The following ZPLD1 variants were observed in gnomAD, a reference collection of about 807,000 sequenced individuals.
ZPLD1 encodes zona pellucida-like domain-containing protein 1.
ZPLD1 carries 34 observed loss-of-function variants against 47.2 expected under a neutral mutation model. The observed-to-expected ratio is 0.72, with a 90% CI of 0.55 to 0.96. The LOEUF (loss-of-function observed/expected upper bound fraction) is 0.96, where lower values mean the gene tolerates loss of function less well. ZPLD1 is among the 40% of genes least tolerant of loss of function. The pLI is 0.00. For synonymous variants in ZPLD1, 176 were observed against 186.2 expected (o/e 0.95, Z 0.45); for missense variants, 512 against 505.8 (o/e 1.01, Z -0.12).
At chr3:102,451,011 A>G (rs942546689) in intron 3 of ZPLD1, among the ~76,000 whole-genome samples, 2 of 152,320 alleles carry the variant, frequency 1.3e-5, no homozygotes, top group East Asian at 3.9e-4. Flanking sequence ...CCAACAAAGG[A>G]AATATTGCGT....
At chr3:102,413,338 T>C (rs1388886739) in intron 7 of ZPLD1, among the ~76,000 whole-genome samples, 1 of 151,854 alleles carries the variant, frequency 6.6e-6, no homozygotes, top group East Asian at 1.9e-4. Flanking sequence ...TCCAAATCAA[T>C]TTGAAAAGTT....
chr3:102,437,328 C>G (rs570536978), intron 2 of ZPLD1, among the ~76,000 whole-genome samples: 2 of 152,254 alleles, frequency 1.3e-5, no homozygotes, highest in African/African-American at 4.8e-5. Flanking sequence ...TTCCCACATC[C>G]TCACCAAAGT....
At chr3:102,466,226 C>T (rs2107350500) in intron 8 of ZPLD1, among the ~76,000 whole-genome samples, 1 of 152,232 alleles carries the variant, frequency 6.6e-6, no homozygotes, top group South Asian at 2.1e-4. Flanking sequence ...CACAGTTCTG[C>T]TATATTCAAA....
intron 7 of ZPLD1, among the ~76,000 whole-genome samples, chr3:102,412,470 T>G (rs958755718): frequency 1.3e-5 from 2 of 151,706 alleles, no homozygotes; most frequent in South Asian, 4.1e-4. Flanking sequence ...GAAGTGAACA[T>G]GATATTAGGG....
intron 6 of ZPLD1, among the ~76,000 whole-genome samples, chr3:102,391,995 T>TAACCAACC (rs927897803): frequency 1.3e-5 from 2 of 152,092 alleles, no homozygotes; most frequent in South Asian, 4.1e-4. Context: ...CCTAATCAAC[T>TAACCAACC]AACCAACCAA....
At chr3:102,428,856 C>T (rs559890259) in intron 8 of ZPLD1, among the ~76,000 whole-genome samples, 84 of 151,662 alleles carry the variant, frequency 5.5e-4, no homozygotes, top group Non-Finnish European at 5.6e-4. Context: ...AAAGACTAAC[C>T]GGTTACTTAA....
At chr3:102,438,735 A>T in intron 3 of ZPLD1, 142 bp downstream of exon 3, 1 of 547,318 alleles carries the variant, frequency 1.8e-6, no homozygotes, top group Non-Finnish European at 3.2e-6. Flanking sequence ...ATGACAAGAC[A>T]TTTTTCTGGA....
intron 10 of ZPLD1, among the ~76,000 whole-genome samples, chr3:102,474,565 T>C (rs1707730314): frequency 6.6e-6 from 1 of 152,180 alleles, no homozygotes; most frequent in African/African-American, 2.4e-5. Context: ...TTGAGATGTG[T>C]GGTCCATTTT....
chr3:102,418,096 C>G (rs572943412), exon 8 of ZPLD1: 6 of 152,058 alleles, frequency 3.9e-5, no homozygotes, highest in Admixed American at 1.3e-4. Flanking sequence ...TCATTTGAAG[C>G]CTTGACTCTT....
intron 7 of ZPLD1, among the ~76,000 whole-genome samples, chr3:102,398,323 G>T (rs1190013599): frequency 3.3e-5 from 5 of 152,066 alleles, no homozygotes; most frequent in Non-Finnish European, 5.9e-5. Context: ...AATGTAGGCA[G>T]CAGAGGTCTA....
chr3:102,450,603 A>G (rs193105364), intron 3 of ZPLD1, among the ~76,000 whole-genome samples: 15 of 152,316 alleles, frequency 9.8e-5, no homozygotes, highest in African/African-American at 3.1e-4. Flanking sequence ...CTTTTGGCCT[A>G]TGTCAAAAAG....
chr3:102,433,667 A>AGT (rs1210095118), upstream of ZPLD1, among the ~76,000 whole-genome samples: 1 of 152,118 alleles, frequency 6.6e-6, no homozygotes, highest in Non-Finnish European at 1.5e-5. Context: ...AACTGGGACT[A>AGT]AGGCACCCGC....
chr3:102,408,717 A>G (rs890363109), intron 7 of ZPLD1, among the ~76,000 whole-genome samples: 1 of 151,872 alleles, frequency 6.6e-6, no homozygotes, highest in Non-Finnish European at 1.5e-5. Flanking sequence ...GCTATTAAAA[A>G]CACTGTTCAT....
Position 102,477,533 on chromosome 3 carries a change from T to G in ZPLD1, c.1163T>G (p.Leu388Arg). The G allele has an allele frequency of 6.2e-7, 1 of 1,613,802 alleles. No individual in the cohort carries two copies. The highest frequency in any genetic ancestry group is 8.5e-7 in the Non-Finnish European group (1 of 1,179,724). ...ATTCTGGGAGTTACGAGCTTTTCTC[T>G]TCTTCTGTGCTCACTGGCCCTTCTG... Reference protein sequence around the residue: ...MVILGVTSFSLLLCSLALLHR... With the variant: ...MVILGVTSFSRLLCSLALLHR... The change falls in exon 12 of 12, where the codon CTT becomes CGT. Residue 388 changes from leucine to arginine, a missense_variant. By Grantham distance (102) the Leu-to-Arg change is moderately radical. Coordinates refer to ENST00000466937, the MANE Select transcript of ZPLD1 (RefSeq NM_001329788.2).
intron 6 of ZPLD1, among the ~76,000 whole-genome samples, chr3:102,389,160 G>A (rs539453176): frequency 5.9e-5 from 9 of 152,312 alleles, no homozygotes; most frequent in Non-Finnish European, 1.2e-4. Flanking sequence ...AGGAAGGCTG[G>A]TCCTTAAAAA....
intron 7 of ZPLD1, among the ~76,000 whole-genome samples, chr3:102,397,199 C>A (rs1043875646): frequency 6.6e-6 from 1 of 151,952 alleles, no homozygotes; most frequent in Non-Finnish European, 1.5e-5. Flanking sequence ...TTGTGCATAC[C>A]CAGTGCCAGC....
Position 102,456,385 on chromosome 3 carries a change from A to G in ZPLD1, c.509+11A>G, listed in dbSNP as rs1326086973. On this transcript the variant is annotated intron_variant, in intron 5 of 11. Coordinates refer to ENST00000466937, the MANE Select transcript of ZPLD1 (RefSeq NM_001329788.2). ...TACCCAGCTTGCTTCGTAAGTTTGC[A>G]TTTTATTCCTGCTTTCTCATATTGC... The G allele has an allele frequency of 1.5e-5, 24 of 1,607,538 alleles. No homozygotes were observed. The highest frequency in any genetic ancestry group is 5.1e-5 in the Admixed American group (3 of 58,998).
At chr3:102,447,075 T>C (rs1231914442) in intron 3 of ZPLD1, among the ~76,000 whole-genome samples, 1 of 152,188 alleles carries the variant, frequency 6.6e-6, no homozygotes, top group East Asian at 1.9e-4. Flanking sequence ...CTCATCTTTT[T>C]TTTTCCTTTG....
chr3:102,438,543 C>G lies in ZPLD1; in HGVS notation c.56C>G (p.Ala19Gly). The change falls in exon 3 of 12, where the codon GCT (alanine) becomes GGT (glycine). Residue 19 changes from alanine (A) to glycine (G), a missense_variant. Physicochemically the swap from Ala to Gly is moderately conservative, Grantham distance 60 (BLOSUM62 0). Coordinates refer to ENST00000466937, the MANE Select transcript of ZPLD1 (RefSeq NM_001329788.2). ...LLTIRVLPGSAQFNGYNCDAN... is the reference protein window; with the variant it reads ...LLTIRVLPGSGQFNGYNCDAN... ...ACAATTAGAGTGCTTCCGGGGTCTGCTCAGTTCAACGGCTACAACTGTGAT... is the reference window on the plus strand; with the variant it reads ...ACAATTAGAGTGCTTCCGGGGTCTGGTCAGTTCAACGGCTACAACTGTGAT... 1 of 1,613,972 alleles carries G rather than the reference C, an allele frequency of 6.2e-7. No homozygotes were observed. The highest frequency in any genetic ancestry group is 8.5e-7 in the Non-Finnish European group (1 of 1,179,870).
Sources: gnomAD v4.1 joint callset for allele counts (sites outside exome capture counted in the v4.1 genomes callset) on GRCh38, gnomAD v4.1.1 for gene constraint, MANE v1.5 for transcripts, NCBI Gene and HGNC (gene_info 2026-07-23, HGNC 2026-07-21) for gene names.